Variants in RIMS2 observed in about 807,000 individuals in gnomAD.
RIMS2 encodes the protein regulating synaptic membrane exocytosis protein 2.
RIMS2 carries 59 observed loss-of-function variants against 174.4 expected under a neutral mutation model. The ratio of observed to expected loss-of-function variants is 0.34; its 90% CI spans 0.27 to 0.42. RIMS2 has a LOEUF of 0.42. Among genes scored for constraint, RIMS2 ranks in the 10% least tolerant of loss-of-function variants. The pLI, the probability that RIMS2 is intolerant of heterozygous loss-of-function variation, is 1.00. For missense variants in RIMS2, 1,620 were observed against 1,666.3 expected, an observed-to-expected ratio of 0.97 and a Z score of 0.48; for synonymous variants, 606 against 572.5, an observed-to-expected ratio of 1.06 and a Z score of -0.84.
chr8:103,517,071 G>A (rs533361205), intron 1 of RIMS2, among the ~76,000 whole-genome samples: 38 of 152,264 alleles, frequency 2.5e-4, no homozygotes, highest in African/African-American at 9.1e-4. Flanking sequence ...GAGAGGAATA[G>A]GACACAGTCT....
At chr8:103,652,679 CA>C (rs1564166481) in intron 1 of RIMS2, 1 of 1,350,368 alleles carries the variant, frequency 7.4e-7, no homozygotes, top group Admixed American at 1.9e-5. Flanking sequence ...TCAGCCCCAG[CA>C]AAAACAACAA....
Position 103,886,042 on chromosome 8 carries a change from T to TTC in RIMS2, c.1448_1449dup (p.Ser485ValfsTer8). On this transcript the variant is annotated frameshift_variant, in exon 4 of 24. Coordinates refer to ENST00000504942, the Ensembl canonical transcript of RIMS2. LOFTEE classifies it high-confidence loss of function. ...AAATGGAAACAATGTTAAGGAATGA[T>TTC]TCTCTCAGTTCAGACCAGTCAGAGT... is the stretch of plus-strand genomic sequence containing the variant. 6.2e-7 allele frequency: 1 copy of TTC among 1,612,948 alleles called. No individual in the cohort carries two copies. Among genetic ancestry groups the TTC allele is most frequent in the Non-Finnish European group, 8.5e-7 (1 of 1,179,348 alleles).
intron 19 of RIMS2, among the ~76,000 whole-genome samples, chr8:104,060,680 C>G (rs1048279634): frequency 3.3e-5 from 5 of 152,092 alleles, no homozygotes; most frequent in Non-Finnish European, 5.9e-5. Context: ...AGTTTTGGAT[C>G]TTTCCTGCTT....
intron 19 of RIMS2, among the ~76,000 whole-genome samples, chr8:104,074,697 T>A (rs1003036484): frequency 1.8e-4 from 27 of 152,228 alleles, no homozygotes; most frequent in Non-Finnish European, 3.5e-4. Flanking sequence ...AGATTTTTTT[T>A]AATTAAAGGA....
chr8:104,122,219 G>A (rs2098385045), intron 19 of RIMS2, among the ~76,000 whole-genome samples: 1 of 151,996 alleles, frequency 6.6e-6, no homozygotes, highest in Admixed American at 6.6e-5. Context: ...TGTATGTGGA[G>A]ATTTAAGAGT....
chr8:103,976,901 A>G (rs946089029), intron 16 of RIMS2: 1 of 152,216 alleles, frequency 6.6e-6, no homozygotes, highest in Non-Finnish European at 1.5e-5. Context: ...TCTTAAGCTT[A>G]CTGGAAATCT....
chr8:103,543,812 AC>A (rs1470869984), intron 1 of RIMS2, among the ~76,000 whole-genome samples: 1 of 152,146 alleles, frequency 6.6e-6, no homozygotes, highest in African/African-American at 2.4e-5. Context: ...ATAAAATTAG[AC>A]CCTGATGTCA....
chr8:103,786,928 C>T (rs13279374), intron 3 of RIMS2, among the ~76,000 whole-genome samples: 3 of 150,738 alleles, frequency 2.0e-5, no homozygotes, highest in Admixed American at 1.3e-4. Flanking sequence ...AGGTCACTCA[C>T]GACTTGCTCT....
intron 1 of RIMS2, among the ~76,000 whole-genome samples, chr8:103,563,783 G>C (rs113708673): frequency 2.0e-5 from 3 of 152,316 alleles, no homozygotes; most frequent in African/African-American, 7.2e-5. Context: ...TGGACTTACA[G>C]TTCCACGTGG....
chr8:104,223,585 A>G lies in RIMS2; in HGVS notation c.3335-21331A>G, dbSNP rs746779512. ...CCCACTGGTCCCGGAACCGCTGCGGACGCTGCGCCCCAGCCGCCAAGACGC... is the reference window on the plus strand; with the variant it reads ...CCCACTGGTCCCGGAACCGCTGCGGGCGCTGCGCCCCAGCCGCCAAGACGC... On this transcript the variant is annotated intron_variant, in intron 19 of 23. Coordinates refer to ENST00000504942, the Ensembl canonical transcript of RIMS2. 9.4e-6 allele frequency: 14 copies of G among 1,488,534 alleles called. No homozygotes were observed. The East Asian group carries it at 1.5e-4, about 16-fold the overall frequency. 92.2% of individuals were successfully genotyped at this position (1,488,534 alleles called of 1,614,324 possible). A position where few individuals can be genotyped will look rare whatever the true frequency, so the allele number is the denominator to read the frequency against.
intron 3 of RIMS2, among the ~76,000 whole-genome samples, chr8:103,783,087 C>T (rs370069683): frequency 1.5e-4 from 23 of 152,212 alleles, no homozygotes; most frequent in African/African-American, 4.6e-4. Flanking sequence ...TCTCATCTCA[C>T]GCTCAGGGTC....
intron 19 of RIMS2, among the ~76,000 whole-genome samples, chr8:104,145,712 A>AATAAATAAATTC (rs1387254641): frequency 2.0e-5 from 3 of 151,010 alleles, no homozygotes; most frequent in African/African-American, 4.9e-5. Flanking sequence ...TAAATAAATA[A>AATAAATAAATTC]ATTCGCCGGA....
rs112934871 is a variant in RIMS2, at chr8:104,097,091, A to G, written c.3334+82476A>G. Among the ~76,000 whole-genome samples, 11 of 152,282 alleles carry G rather than the reference A, an allele frequency of 7.2e-5. 3 individuals are homozygous for G. Among genetic ancestry groups the G allele is most frequent in the African/African-American group, 2.6e-4 (11 of 41,554 alleles). ...TTAATAACAACTTATGTTCTTATACAACATTATTGGAAATAATCTTATTCT... is the reference window on the plus strand; with the variant it reads ...TTAATAACAACTTATGTTCTTATACGACATTATTGGAAATAATCTTATTCT... On this transcript the variant is annotated intron_variant, in intron 19 of 23. Transcript: ENST00000504942.
chr8:103,962,566 G>A (rs911031072), intron 15 of RIMS2, among the ~76,000 whole-genome samples: 7 of 152,088 alleles, frequency 4.6e-5, no homozygotes, highest in African/African-American at 9.7e-5. Flanking sequence ...AATCCAATGC[G>A]ATTTTGAGAA....
intron 19 of RIMS2, among the ~76,000 whole-genome samples, chr8:104,228,738 C>T (rs1000945512): frequency 1.3e-5 from 2 of 152,174 alleles, no homozygotes; most frequent in Non-Finnish European, 2.9e-5. Context: ...ACCTTGGAAG[C>T]AGGACATGGA....
intron 1 of RIMS2, among the ~76,000 whole-genome samples, chr8:103,560,307 G>A (rs948602865): frequency 1.3e-5 from 2 of 152,134 alleles, no homozygotes; most frequent in Admixed American, 6.5e-5. Flanking sequence ...AACCTGGGAG[G>A]TGGAGGTTGC....
intron 3 of RIMS2, among the ~76,000 whole-genome samples, chr8:103,870,385 C>G (rs896870064): frequency 6.6e-6 from 1 of 151,262 alleles, no homozygotes; most frequent in African/African-American, 2.4e-5. Flanking sequence ...ACCACCAGCA[C>G]CACCACCACC....
intron 1 of RIMS2, among the ~76,000 whole-genome samples, chr8:103,600,711 A>G (rs2094695405): frequency 6.6e-6 from 1 of 152,202 alleles, no homozygotes; most frequent in South Asian, 2.1e-4. Flanking sequence ...CTGTGTAACC[A>G]TCAGTGGGAG....
intron 3 of RIMS2, among the ~76,000 whole-genome samples, chr8:103,824,747 C>T (rs562714955): frequency 1.3e-5 from 2 of 152,298 alleles, no homozygotes; most frequent in Admixed American, 1.3e-4. Context: ...TTTTATTCTA[C>T]TGCTGTCATT....
Sources: allele counts gnomAD v4.1 joint callset (sites outside exome capture counted in the v4.1 genomes callset), GRCh38; gene constraint gnomAD v4.1.1; transcripts MANE v1.5; gene names NCBI Gene and HGNC (gene_info 2026-07-23, HGNC 2026-07-21).